POLR2B: variants seen among roughly 807,000 people sequenced by gnomAD.
The protein encoded by POLR2B is DNA-directed RNA polymerase II subunit RPB2.
A neutral mutation model predicts 144.6 loss-of-function variants in POLR2B; 57 were observed. The observed-to-expected ratio is 0.39, with a 90% CI of 0.32 to 0.49. POLR2B has a LOEUF of 0.49. POLR2B is among the 20% of genes least tolerant of loss of function. POLR2B has a pLI of 0.83. For missense variants in POLR2B, 595 were observed against 1,467.4 expected, an observed-to-expected ratio of 0.41 and a Z score of 9.71; for synonymous variants, 442 against 469.8, an observed-to-expected ratio of 0.94 and a Z score of 0.77.
intron 10 of POLR2B, among the ~76,000 whole-genome samples, chr4:57,007,862 CCTT>C (rs963702522): frequency 3.9e-5 from 6 of 152,188 alleles, no homozygotes; most frequent in African/African-American, 1.4e-4. Flanking sequence ...ATCTCCCCCT[CCTT>C]TCCTTGTTTA....
chr4:56,994,541 G>A, intron 4 of POLR2B, 25 bp downstream of exon 4: 3 of 1,470,748 alleles, frequency 2.0e-6, no homozygotes, highest in Non-Finnish European at 1.9e-6. Flanking sequence ...TTCCTTGTCA[G>A]CAGTAGATAC....
chr4:57,023,101 G>A lies in POLR2B; in HGVS notation c.2516-229G>A. ...ATAAATGTCTGTCATGGAAGAATCT[G>A]CTTTCCCAGTGCTGATTCCAATGTT... is the stretch of plus-strand genomic sequence containing the variant. On this transcript the variant is annotated intron_variant, in intron 18 of 24. Coordinates refer to ENST00000314595, the MANE Select transcript of POLR2B (RefSeq NM_000938.3). This position sits in a 1 kb window ranked among gnomAD's most constrained non-coding sequence, Gnocchi z 4.3. The A allele has an allele frequency of 2.2e-6, 1 of 458,542 alleles. No individual in the cohort carries two copies. Among genetic ancestry groups the A allele is most frequent in the South Asian group, 3.8e-5 (1 of 26,032 alleles). The allele number at this position is 458,542 out of a possible 1,614,324, so 28.4% of individuals were successfully genotyped here. A position where few individuals can be genotyped will look rare whatever the true frequency, so the allele number is the denominator to read the frequency against.
chr4:57,002,579 G>GA (rs1267752419), intron 7 of POLR2B: 2 of 151,572 alleles, frequency 1.3e-5, no homozygotes, highest in Non-Finnish European at 2.9e-5. Context: ...AGTTTCCTTT[G>GA]AAAAATATCA....
chr4:57,009,390 T>C (rs192724847), intron 10 of POLR2B, among the ~76,000 whole-genome samples: 1 of 152,068 alleles, frequency 6.6e-6, no homozygotes, highest in African/African-American at 2.4e-5. Flanking sequence ...GGAAGGTTGT[T>C]TTTGGGGCTT....
intron 13 of POLR2B, 113 bp downstream of exon 13, chr4:57,011,213 C>T: frequency 1.4e-6 from 1 of 717,810 alleles, no homozygotes; most frequent in East Asian, 2.7e-5. Context: ...TTCCCTTGAA[C>T]TGTAAAGTGT....
At position 56,990,853 on chromosome 4, in the gene POLR2B, C is replaced by T. The variant is rs765270827; in HGVS notation, c.198C>T (p.Asp66=). The T allele has an allele frequency of 1.2e-6, 2 of 1,613,596 alleles. No individual in the cohort carries two copies. Among genetic ancestry groups the T allele is most frequent in the Non-Finnish European group, 1.7e-6 (2 of 1,179,668 alleles). The change falls in exon 3 of 25, where the codon GAC becomes GAT. Residue 66 remains aspartate (D), a synonymous_variant. Transcript: ENST00000314595. ...QRIVEDAPPI[D]LQAEAQHASG... is the part of the protein sequence containing the mutation. ...TTGTGGAAGACGCTCCTCCTATAGA[C>T]CTACAGGCTGAAGCTCAGCATGCTA...
chr4:57,025,087 A>C, intron 22 of POLR2B, 88 bp downstream of exon 22: 2 of 719,028 alleles, frequency 2.8e-6, no homozygotes, highest in Non-Finnish European at 4.8e-6. Context: ...CCTTTTATTG[A>C]AGTATCATAT....
intron 7 of POLR2B, among the ~76,000 whole-genome samples, chr4:57,001,853 T>A (rs994491990): frequency 5.3e-5 from 8 of 152,330 alleles, no homozygotes; most frequent in East Asian, 1.9e-4. Context: ...TTGTCTTAAA[T>A]TGTCCAGAGC....
chr4:56,990,728 G>A lies in POLR2B; in HGVS notation c.93-20G>A. The A allele has an allele frequency of 6.3e-7, 1 of 1,589,230 alleles. No individual in the cohort carries two copies. Among genetic ancestry groups the A allele is most frequent in the Non-Finnish European group, 8.6e-7 (1 of 1,167,744 alleles). ...AATTATCACTGAGTTGCAACTGACT[G>A]AACTCAAATATTTTCCCAGTTCCTA... On this transcript the variant is annotated intron_variant, in intron 2 of 24. Coordinates refer to ENST00000314595, the MANE Select transcript of POLR2B (RefSeq NM_000938.3).
chr4:56,995,382 G>A lies in POLR2B; in HGVS notation c.708G>A (p.Trp236Ter). 1 of 1,610,660 alleles carries A rather than the reference G, an allele frequency of 6.2e-7. No individual in the cohort carries two copies. The highest frequency in any genetic ancestry group is 1.3e-5 in the African/African-American group (1 of 74,938). ...CTTCCCGACCCACCAGTACTATATG[G>A]GTTAGCATGCTGGCAAGAGGAGGAC... ...ENSSRPTSTI[W>*]VSMLARGGQG... Residue 236 changes from tryptophan to a stop codon, truncating the protein, a stop_gained, in exon 6 of 25, where the codon TGG becomes TGA. Transcript: ENST00000314595. LOFTEE classifies it high-confidence loss of function.
chr4:57,005,595 T>TTA lies in POLR2B; in HGVS notation c.1098-5_1098-4insTA, dbSNP rs2109682644. The TTA allele has an allele frequency of 3.9e-6, 6 of 1,548,764 alleles. No individual in the cohort carries two copies. The highest frequency in any genetic ancestry group is 2.3e-5 in the East Asian group (1 of 43,922). On this transcript the variant is annotated splice_region_variant and splice_polypyrimidine_tract_variant and intron_variant, in intron 8 of 24. Coordinates refer to ENST00000314595, the MANE Select transcript of POLR2B (RefSeq NM_000938.3). ...CTTTCTTTCTTTCTTTTTTTTTTTT[T>TTA]AAAGATACATGGTTCATAGGTTACT...
intron 6 of POLR2B, among the ~76,000 whole-genome samples, chr4:56,995,950 C>T (rs1187281898): frequency 6.6e-6 from 1 of 152,012 alleles, no homozygotes; most frequent in African/African-American, 2.4e-5. Context: ...TTGCCATGTT[C>T]TTTTTGTTGG....
Position 57,017,057 on chromosome 4 carries a change from T to C in POLR2B, c.1970T>C (p.Val657Ala). Residue 657 changes from valine to alanine, a missense_variant, in exon 15 of 25, where the codon GTG becomes GCG. Val to Ala is a moderately conservative substitution (Grantham distance 64). Coordinates refer to ENST00000314595, the MANE Select transcript of POLR2B (RefSeq NM_000938.3). The surrounding 1 kb of genome is among the most constrained non-coding windows in gnomAD (Gnocchi z 4.8). ...EYNNYSWQDL[V>A]ASGVVEYIDT... The stretch of plus-strand genomic sequence containing the variant: ...TTCTTTTTTAGTTGGCAGGATCTTG[T>C]GGCCAGTGGGGTAGTGGAGTATATT... 3 of 1,581,254 alleles carry C rather than the reference T, an allele frequency of 1.9e-6. No homozygotes were observed. The highest frequency in any genetic ancestry group is 2.6e-6 in the Non-Finnish European group (3 of 1,162,848).
chr4:57,026,763 T>TAACAAAACAA (rs1212310693), intron 23 of POLR2B, among the ~76,000 whole-genome samples: 2 of 151,688 alleles, frequency 1.3e-5, no homozygotes, highest in East Asian at 3.9e-4. Flanking sequence ...TCTGTCTCGA[T>TAACAAAACAA]AACAAAACAA....
intron 7 of POLR2B, among the ~76,000 whole-genome samples, chr4:57,003,622 A>G (rs1228267275): frequency 6.6e-6 from 1 of 152,008 alleles, no homozygotes; most frequent in Non-Finnish European, 1.5e-5. Flanking sequence ...GAAGGCCTAC[A>G]TGGGTAGATC....
intron 16 of POLR2B, among the ~76,000 whole-genome samples, chr4:57,019,554 A>G (rs985336354): frequency 3.3e-5 from 5 of 152,154 alleles, no homozygotes; most frequent in South Asian, 4.1e-4. Flanking sequence ...CATTTGCTCT[A>G]TTATTCTCTC....
At chr4:57,024,228 T>G (rs922720638) in intron 21 of POLR2B, 116 bp downstream of exon 21, 7 of 551,996 alleles carry the variant, frequency 1.3e-5, no homozygotes, top group Non-Finnish European at 2.2e-5. Context: ...GTGTGAGACT[T>G]ACTTTTCTGC....
At chr4:57,024,674 G>A (rs1024401183) in intron 21 of POLR2B, among the ~76,000 whole-genome samples, 5 of 152,006 alleles carry the variant, frequency 3.3e-5, no homozygotes, top group Admixed American at 6.6e-5. Context: ...TGTTCTAAAT[G>A]TTTTGTGTAA....
Position 56,990,779 on chromosome 4 carries a change from C to A in POLR2B, c.124C>A (p.Gln42Lys). The change falls in exon 3 of 25, where the codon CAA (glutamine) becomes AAA (lysine). Residue 42 changes from glutamine to lysine, a missense_variant. Transcript: ENST00000314595. ...TTTTGACGAGAAAGGCTTGGTTAGACAACAGCTGGATTCTTTTGATGAGTT... is the reference window on the plus strand; with the variant it reads ...TTTTGACGAGAAAGGCTTGGTTAGAAAACAGCTGGATTCTTTTGATGAGTT... ...SYFDEKGLVR[Q>K]QLDSFDEFIQ... 1 of 1,612,446 alleles carries A rather than the reference C, an allele frequency of 6.2e-7. No individual in the cohort carries two copies. Among genetic ancestry groups the A allele is most frequent in the Non-Finnish European group, 8.5e-7 (1 of 1,179,276 alleles).
Sources: allele counts gnomAD v4.1 joint callset (sites outside exome capture counted in the v4.1 genomes callset), GRCh38; gene constraint gnomAD v4.1.1; non-coding constraint Gnocchi (gnomAD v3.1); transcripts MANE v1.5; gene names NCBI Gene and HGNC (gene_info 2026-07-23, HGNC 2026-07-21).